CDH13: variants seen among roughly 807,000 people sequenced by gnomAD.
The protein encoded by CDH13 is cadherin 13.
A neutral mutation model predicts 63.8 loss-of-function variants in CDH13; 24 were observed. The ratio of observed to expected loss-of-function variants is 0.38; its 90% CI spans 0.27 to 0.53. CDH13 has a LOEUF of 0.53. CDH13 is among the 20% of genes least tolerant of loss of function. The pLI, the probability that CDH13 is intolerant of heterozygous loss-of-function variation, is 0.85. For missense variants in CDH13, 1,049 were observed against 903.1 expected, an observed-to-expected ratio of 1.16 and a Z score of -2.07; for synonymous variants, 503 against 355.3, an observed-to-expected ratio of 1.42 and a Z score of -4.67.
chr16:83,202,482 G>A (rs559923807), intron 4 of CDH13, among the ~76,000 whole-genome samples: 2 of 152,274 alleles, frequency 1.3e-5, no homozygotes, highest in African/African-American at 4.8e-5. Flanking sequence ...GCTTCACAGA[G>A]TGAGAAACCT....
chr16:82,830,905 A>G (rs2038509617), intron 1 of CDH13, among the ~76,000 whole-genome samples: 1 of 152,196 alleles, frequency 6.6e-6, no homozygotes, highest in African/African-American at 2.4e-5. Context: ...AAACTGTCCT[A>G]TTACTATATT....
chr16:83,198,008 A>G (rs1452639133), intron 4 of CDH13, among the ~76,000 whole-genome samples: 2 of 152,340 alleles, frequency 1.3e-5, no homozygotes, highest in Admixed American at 6.5e-5. Flanking sequence ...ATAAAAGTCA[A>G]TTAAAATATG....
chr16:83,015,934 G>A (rs1342171235), intron 2 of CDH13, among the ~76,000 whole-genome samples: 1 of 151,444 alleles, frequency 6.6e-6, no homozygotes, highest in African/African-American at 2.4e-5. Context: ...ATTCAAATAG[G>A]GTGGAAAGCA....
chr16:83,475,369 G>A (rs57754915), intron 6 of CDH13, among the ~76,000 whole-genome samples: 248 of 152,324 alleles, frequency 1.6e-3, no homozygotes, highest in African/African-American at 5.9e-3. Flanking sequence ...CAGCAGTCAG[G>A]AAGCTGCATG....
intron 6 of CDH13, among the ~76,000 whole-genome samples, chr16:83,460,344 C>G (rs781702627): frequency 6.6e-6 from 1 of 152,184 alleles, no homozygotes; most frequent in Admixed American, 6.5e-5. Flanking sequence ...CATTATCTAC[C>G]AAAGTGGAAG....
intron 6 of CDH13, among the ~76,000 whole-genome samples, chr16:83,466,491 A>C (rs1342202252): frequency 1.3e-5 from 2 of 152,224 alleles, no homozygotes; most frequent in African/African-American, 4.8e-5. Context: ...GCCTAGTGGC[A>C]GTGGGCTGGG....
At chr16:83,120,311 A>C (rs902418912) in intron 3 of CDH13, among the ~76,000 whole-genome samples, 2 of 152,206 alleles carry the variant, frequency 1.3e-5, no homozygotes, top group Non-Finnish European at 2.9e-5. Context: ...CTGGGAGGAC[A>C]CCAGAGGTAG....
chr16:83,011,491 T>G (rs1403701737), intron 2 of CDH13, among the ~76,000 whole-genome samples: 1 of 152,170 alleles, frequency 6.6e-6, no homozygotes, highest in Non-Finnish European at 1.5e-5. Flanking sequence ...CCCCAGGGGC[T>G]TGTACTGTCA....
intron 8 of CDH13, among the ~76,000 whole-genome samples, chr16:83,605,906 T>C (rs1443577484): frequency 6.6e-6 from 1 of 152,010 alleles, no homozygotes; most frequent in African/African-American, 2.4e-5. Context: ...GCAGGAGAGG[T>C]GGCAGAATCT....
At chr16:83,185,928 C>T (rs185814854) in intron 4 of CDH13, among the ~76,000 whole-genome samples, 18 of 152,076 alleles carry the variant, frequency 1.2e-4, no homozygotes, top group Admixed American at 8.5e-4. Context: ...GGAGTATGTC[C>T]GAAAACCAAT....
chr16:82,894,729 G>C (rs1341211915), intron 2 of CDH13, among the ~76,000 whole-genome samples: 1 of 152,216 alleles, frequency 6.6e-6, no homozygotes, highest in Admixed American at 6.5e-5. Context: ...ACGATGGGAA[G>C]TAATGGGAAG....
chr16:83,218,112 C>T (rs143888889), intron 5 of CDH13, among the ~76,000 whole-genome samples: 6 of 152,098 alleles, frequency 3.9e-5, no homozygotes, highest in African/African-American at 1.4e-4. Context: ...AAAGAAAAAT[C>T]AGTGGGTTAA....
rs79431866 is a variant in CDH13, at chr16:83,539,830, G to C, written c.960+53175G>C. On this transcript the variant is annotated intron_variant, in intron 7 of 13. Coordinates refer to ENST00000567109, the MANE Select transcript of CDH13 (RefSeq NM_001257.5). ...CCCAGAGGAGGAATGGTTCTAGAAA[G>C]AAATATTTTAGCTTAATATTTGAAG... Among the ~76,000 whole-genome samples the C allele has an allele frequency of 3.0e-3, 460 of 152,290 alleles. 3 individuals are homozygous for C. Among genetic ancestry groups the C allele is most frequent in the African/African-American group, 0.01 (416 of 41,568 alleles).
At chr16:82,763,048 T>A (rs117210582) in intron 1 of CDH13, among the ~76,000 whole-genome samples, 5,530 of 152,182 alleles carry the variant, frequency 0.036, 142 homozygotes, top group Non-Finnish European at 0.053. Flanking sequence ...ATTTATAGAT[T>A]TTATATAAGC....
intron 2 of CDH13, among the ~76,000 whole-genome samples, chr16:82,929,590 T>G (rs1470139224): frequency 2.3e-5 from 3 of 133,220 alleles, no homozygotes; most frequent in Admixed American, 9.3e-5. Context: ...AGGCGGAGCT[T>G]GCAGTGAGCA....
At chr16:83,242,410 G>C (rs1438861172) in intron 5 of CDH13, among the ~76,000 whole-genome samples, 1 of 151,320 alleles carries the variant, frequency 6.6e-6, no homozygotes, top group Non-Finnish European at 1.5e-5. Context: ...TAGAAAAATA[G>C]GTTGGTCATT....
intron 3 of CDH13, among the ~76,000 whole-genome samples, chr16:83,073,532 AT>A (rs1177024787): frequency 3.3e-5 from 5 of 152,188 alleles, no homozygotes; most frequent in African/African-American, 1.2e-4. Context: ...AATTCCCCAC[AT>A]TTTGTTCCCT....
At chr16:83,635,766 TA>T (rs1911204639) in intron 8 of CDH13, among the ~76,000 whole-genome samples, 1 of 152,180 alleles carries the variant, frequency 6.6e-6, no homozygotes, top group Non-Finnish European at 1.5e-5. Flanking sequence ...GTCTGTTCGT[TA>T]TCTTAATAGA....
At chr16:83,165,870 G>C (rs915860474) in intron 4 of CDH13, among the ~76,000 whole-genome samples, 2 of 152,118 alleles carry the variant, frequency 1.3e-5, no homozygotes, top group Non-Finnish European at 2.9e-5. Context: ...CAACTGAAAG[G>C]CTTCAGCACA....
Sources: gnomAD v4.1 joint callset for allele counts (sites outside exome capture counted in the v4.1 genomes callset) on GRCh38, gnomAD v4.1.1 for gene constraint, MANE v1.5 for transcripts, NCBI Gene and HGNC (gene_info 2026-07-23, HGNC 2026-07-21) for gene names.